CPQ: variants seen among roughly 807,000 people sequenced by gnomAD.
The protein encoded by CPQ is Ser-Met dipeptidase.
In CPQ, 37 loss-of-function variants were observed where a neutral mutation model predicts 45.7. The ratio of observed to expected loss-of-function variants is 0.81; its 90% CI spans 0.62 to 1.07. CPQ has a LOEUF of 1.07. Among genes scored for constraint, CPQ ranks in the 50% least tolerant of loss-of-function variants. The pLI is 0.00. For missense variants in CPQ, 537 were observed against 572.9 expected, an observed-to-expected ratio of 0.94 and a Z score of 0.64; for synonymous variants, 186 against 205.8, an observed-to-expected ratio of 0.90 and a Z score of 0.82.
chr8:96,737,704 T>C (rs575490773), intron 1 of CPQ, among the ~76,000 whole-genome samples: 1 of 152,202 alleles, frequency 6.6e-6, no homozygotes, highest in African/African-American at 2.4e-5. Context: ...TAATACTTTG[T>C]ATCCCTCAGT....
intron 1 of CPQ, among the ~76,000 whole-genome samples, chr8:96,680,843 G>A (rs1563700671): frequency 6.6e-6 from 1 of 152,286 alleles, no homozygotes; most frequent in East Asian, 1.9e-4. Context: ...CCAGACTGAG[G>A]TGGTCTTGGA....
chr8:96,845,595 T>C (rs1811674618), intron 3 of CPQ, among the ~76,000 whole-genome samples: 1 of 152,166 alleles, frequency 6.6e-6, no homozygotes, highest in Non-Finnish European at 1.5e-5. Context: ...TGATCATGGC[T>C]CACTGCATCC....
At chr8:96,718,675 T>G (rs1045585758) in intron 1 of CPQ, among the ~76,000 whole-genome samples, 1 of 152,182 alleles carries the variant, frequency 6.6e-6, no homozygotes, top group African/African-American at 2.4e-5. Context: ...TTCTCTTATC[T>G]GGCCCCACCC....
At chr8:96,712,065 C>G (rs541202468) in intron 1 of CPQ, among the ~76,000 whole-genome samples, 118 of 152,232 alleles carry the variant, frequency 7.8e-4, no homozygotes, top group African/African-American at 2.6e-3. Context: ...GGATACAACC[C>G]CTTTCAAGTC....
At chr8:96,964,173 T>TACACACACACACACACACACACACACAC (rs71267285) in intron 4 of CPQ, among the ~76,000 whole-genome samples, 1 of 133,404 alleles carries the variant, frequency 7.5e-6, no homozygotes, top group African/African-American at 2.9e-5. Flanking sequence ...GGTTAAAGTA[T>TACACACACACACACACACACACACACAC]ACACACACAC....
intron 2 of CPQ, among the ~76,000 whole-genome samples, chr8:96,808,032 T>C (rs570915578): frequency 1.3e-5 from 2 of 152,304 alleles, no homozygotes; most frequent in African/African-American, 4.8e-5. Flanking sequence ...TTCCGTGCTG[T>C]TGTTATTTTC....
intron 2 of CPQ, among the ~76,000 whole-genome samples, chr8:96,827,471 T>C (rs1811395132): frequency 6.6e-6 from 1 of 152,134 alleles, no homozygotes; most frequent in African/African-American, 2.4e-5. Context: ...ATAGCTCTAC[T>C]CTGAGCCAAG....
At chr8:96,990,709 T>G (rs1490457181) in intron 5 of CPQ, among the ~76,000 whole-genome samples, 1 of 152,148 alleles carries the variant, frequency 6.6e-6, no homozygotes, top group Non-Finnish European at 1.5e-5. Flanking sequence ...AATATTATAG[T>G]TTTGAGATTC....
chr8:96,660,996 C>A (rs1405290842), intron 1 of CPQ, among the ~76,000 whole-genome samples: 1 of 151,960 alleles, frequency 6.6e-6, no homozygotes, highest in Admixed American at 6.6e-5. Context: ...CTTTCTGAGA[C>A]CAAAGAGGAC....
At chr8:96,708,523 A>G (rs1384607272) in intron 1 of CPQ, among the ~76,000 whole-genome samples, 1 of 151,966 alleles carries the variant, frequency 6.6e-6, no homozygotes, top group Non-Finnish European at 1.5e-5. Flanking sequence ...AAATAATTTA[A>G]GAACAATAGA....
At chr8:96,667,939 G>A (rs1301035777) in intron 1 of CPQ, among the ~76,000 whole-genome samples, 1 of 152,062 alleles carries the variant, frequency 6.6e-6, no homozygotes, top group Non-Finnish European at 1.5e-5. Flanking sequence ...TATGTTTGAT[G>A]CTTCTGAGGG....
chr8:96,753,568 A>G (rs1810290318), intron 1 of CPQ, among the ~76,000 whole-genome samples: 1 of 140,362 alleles, frequency 7.1e-6, no homozygotes, highest in African/African-American at 2.5e-5. Context: ...GTTTGTAAGT[A>G]TTATGTATTG....
chr8:96,772,713 G>A (rs1810559959), intron 1 of CPQ, among the ~76,000 whole-genome samples: 1 of 152,182 alleles, frequency 6.6e-6, no homozygotes, highest in Non-Finnish European at 1.5e-5. Flanking sequence ...TTAGATGTCA[G>A]ATATGATAGA....
chr8:97,123,204 T>TAAAAAAA (rs1229598077), intron 7 of CPQ, among the ~76,000 whole-genome samples: 1 of 42,660 alleles, frequency 2.3e-5, no homozygotes, highest in African/African-American at 7.3e-5. Flanking sequence ...TAAAATAAAA[T>TAAAAAAA]AAAAAATAAA....
chr8:96,780,649 A>G (rs899610677), intron 1 of CPQ, among the ~76,000 whole-genome samples: 2 of 152,010 alleles, frequency 1.3e-5, no homozygotes, highest in Admixed American at 1.3e-4. Flanking sequence ...TACACTTACA[A>G]AACATTTCAA....
At chr8:96,934,016 A>G (rs943859653) in intron 4 of CPQ, among the ~76,000 whole-genome samples, 3 of 152,228 alleles carry the variant, frequency 2.0e-5, no homozygotes, top group Admixed American at 6.5e-5. Flanking sequence ...CCTGGAAGGC[A>G]TTCAGTAAGA....
chr8:96,777,760 A>T (rs6995530), intron 1 of CPQ, among the ~76,000 whole-genome samples: 224 of 14,028 alleles, frequency 0.016, 1 homozygote, highest in African/African-American at 0.03. Flanking sequence ...ATATATATAT[A>T]TTTTTTTTTT....
chr8:97,122,965 A>T (rs1447904526), intron 7 of CPQ, among the ~76,000 whole-genome samples: 27 of 82,598 alleles, frequency 3.3e-4, no homozygotes, highest in South Asian at 1.1e-3. Flanking sequence ...ATAAAATAAA[A>T]TAAAATAAAA....
chr8:96,941,516 T>A (rs183751496), intron 4 of CPQ, among the ~76,000 whole-genome samples: 2 of 152,266 alleles, frequency 1.3e-5, no homozygotes, highest in East Asian at 3.9e-4. Context: ...GTCCAAAGCA[T>A]GGCAGTATGT....
Sources: allele counts gnomAD v4.1 joint callset (sites outside exome capture counted in the v4.1 genomes callset), GRCh38; gene constraint gnomAD v4.1.1; transcripts MANE v1.5; gene names NCBI Gene and HGNC (gene_info 2026-07-23, HGNC 2026-07-21).